Variants in MRTFB observed in about 807,000 individuals in gnomAD.
MRTFB encodes myocardin related transcription factor B, also known as myocardin-related transcription factor B.
In MRTFB, 29 loss-of-function variants were observed where a neutral mutation model predicts 104.2. The ratio of observed to expected loss-of-function variants is 0.28; its 90% CI spans 0.21 to 0.38. The LOEUF (loss-of-function observed/expected upper bound fraction) is 0.38, where lower values mean the gene tolerates loss of function less well. MRTFB is among the 10% of genes least tolerant of loss of function. MRTFB has a pLI of 1.00. For synonymous variants in MRTFB, 535 were observed against 519.5 expected (o/e 1.03, Z -0.41); for missense variants, 1,270 against 1,341.6 (o/e 0.95, Z 0.83).
intron 3 of MRTFB, among the ~76,000 whole-genome samples, chr16:14,207,936 G>C (rs983004000): frequency 1.3e-5 from 2 of 152,130 alleles, no homozygotes; most frequent in African/African-American, 4.8e-5. Flanking sequence ...TCTTGGGATG[G>C]AGCCCTTTAA....
chr16:14,176,436 C>G (rs1471603452), intron 3 of MRTFB, among the ~76,000 whole-genome samples: 3 of 152,202 alleles, frequency 2.0e-5, no homozygotes, highest in African/African-American at 7.2e-5. Context: ...TCCAGCCTTT[C>G]TCAGCCCAGA....
chr16:14,219,063 G>A, intron 8 of MRTFB, 65 bp downstream of exon 8: 2 of 1,403,248 alleles, frequency 1.4e-6, no homozygotes, highest in South Asian at 1.7e-5. Flanking sequence ...AATATATTAA[G>A]GTAATACACT....
intron 3 of MRTFB, among the ~76,000 whole-genome samples, chr16:14,158,200 CAT>C (rs1377282912): frequency 4.6e-5 from 7 of 152,236 alleles, no homozygotes; most frequent in African/African-American, 1.7e-4. Flanking sequence ...CCAATCAACA[CAT>C]ATTTTTATAG....
At chr16:14,210,597 G>T (rs2041151670) in intron 4 of MRTFB, among the ~76,000 whole-genome samples, 1 of 152,128 alleles carries the variant, frequency 6.6e-6, no homozygotes, top group Non-Finnish European at 1.5e-5. Context: ...ATTTGTTTTA[G>T]TTTTGAAATG....
At chr16:14,029,329 C>G in the MRTFB span, among the ~76,000 whole-genome samples, 2 of 148,354 alleles carry the variant, frequency 1.3e-5, no homozygotes, top group African/African-American at 2.5e-5. Flanking sequence ...AATATTGAAC[C>G]TGGGAGGCAG....
At chr16:14,085,694 ATGGTTG>A (rs1320841392) in intron 2 of MRTFB, among the ~76,000 whole-genome samples, 2 of 152,164 alleles carry the variant, frequency 1.3e-5, no homozygotes, top group African/African-American at 4.8e-5. Flanking sequence ...GAAGGAATGA[ATGGTTG>A]GTAAATATTG....
chr16:14,023,689 A>G, the MRTFB span, among the ~76,000 whole-genome samples: 5 of 151,238 alleles, frequency 3.3e-5, no homozygotes, highest in Admixed American at 1.3e-4. Context: ...ATATATATAT[A>G]TATACATATT....
At chr16:14,248,843 G>A in intron 12 of MRTFB, 83 bp from the exon 13 acceptor site, 2 of 1,433,470 alleles carry the variant, frequency 1.4e-6, no homozygotes, top group Non-Finnish European at 1.9e-6. Flanking sequence ...ATCCCCAAGT[G>A]ACCAGTGATT....
intron 2 of MRTFB, among the ~76,000 whole-genome samples, chr16:14,134,634 T>C (rs946006580): frequency 6.6e-6 from 1 of 152,232 alleles, no homozygotes; most frequent in African/African-American, 2.4e-5. Context: ...CCTAATAATG[T>C]AGGCCTTCAG....
intron 2 of MRTFB, among the ~76,000 whole-genome samples, chr16:14,099,226 A>C (rs904140799): frequency 6.6e-6 from 1 of 152,066 alleles, no homozygotes; most frequent in African/African-American, 2.4e-5. Context: ...CTCTCAATTT[A>C]TTTATATTTT....
At chr16:14,081,550 C>T (rs1189111429) in intron 2 of MRTFB, among the ~76,000 whole-genome samples, 1 of 152,138 alleles carries the variant, frequency 6.6e-6, no homozygotes, top group Non-Finnish European at 1.5e-5. Context: ...GCCTCGGCCT[C>T]CCAAAGTGCT....
intron 3 of MRTFB, chr16:14,142,795 T>A (rs973885900): frequency 6.6e-6 from 1 of 152,182 alleles, no homozygotes; most frequent in South Asian, 2.1e-4. Context: ...TCCTTTATGG[T>A]CATTTACAGG....
At chr16:14,023,610 C>CACACACACATACATATACAT in the MRTFB span, among the ~76,000 whole-genome samples, 2 of 106,912 alleles carry the variant, frequency 1.9e-5, no homozygotes, top group African/African-American at 7.4e-5. Flanking sequence ...CACACACACA[C>CACACACACATACATATACAT]ATACATATAC....
chr16:14,200,793 T>C, intron 3 of MRTFB: 1 of 1,468,830 alleles, frequency 6.8e-7, no homozygotes, highest in Non-Finnish European at 9.5e-7. Context: ...AGTGCACGCT[T>C]CTCCTTCAGA....
the MRTFB span, among the ~76,000 whole-genome samples, chr16:14,055,154 C>T: frequency 6.6e-6 from 1 of 152,100 alleles, no homozygotes; most frequent in African/African-American, 2.4e-5. Flanking sequence ...GAGTTTGACA[C>T]CAGCCTGACC....
At chr16:14,218,717 C>A in intron 7 of MRTFB, 103 bp from the exon 8 acceptor site, 2 of 1,179,654 alleles carry the variant, frequency 1.7e-6, no homozygotes, top group African/African-American at 1.5e-5. Flanking sequence ...TTTTTTTAAG[C>A]AGCTTCATAA....
intron 3 of MRTFB, chr16:14,200,568 TGTC>T: frequency 1.2e-6 from 2 of 1,604,952 alleles, no homozygotes; most frequent in East Asian, 4.5e-5. Context: ...ATTATCTTGT[TGTC>T]ATGTGACTTT....
intron 3 of MRTFB, chr16:14,186,965 T>C (rs765434343): frequency 6.3e-7 from 1 of 1,598,170 alleles, no homozygotes; most frequent in Middle Eastern, 1.7e-4. Context: ...AGATTTTAAC[T>C]GCTGGGGATT....
chr16:14,084,991 T>G (rs539910047), intron 2 of MRTFB, among the ~76,000 whole-genome samples: 1 of 152,072 alleles, frequency 6.6e-6, no homozygotes, highest in African/African-American at 2.4e-5. Flanking sequence ...TATTTAAAAT[T>G]AAAATAAGAA....
Sources: allele counts gnomAD v4.1 joint callset (sites outside exome capture counted in the v4.1 genomes callset), GRCh38; gene constraint gnomAD v4.1.1; transcripts MANE v1.5; gene names NCBI Gene and HGNC (gene_info 2026-07-23, HGNC 2026-07-21).